ABCC8: variants seen among roughly 807,000 people sequenced by gnomAD.
The protein encoded by ABCC8 is ATP-binding cassette sub-family C member 8.
ABCC8 carries 137 observed loss-of-function variants against 188.0 expected under a neutral mutation model. The ratio of observed to expected loss-of-function variants is 0.73; its 90% CI spans 0.63 to 0.84. The LOEUF is 0.84. ABCC8 is among the 40% of genes least tolerant of loss of function. The pLI is 0.00. For synonymous variants in ABCC8, 797 were observed against 846.5 expected, an observed-to-expected ratio of 0.94 and a Z score of 1.01; for missense variants, 1,750 against 2,072.7, an observed-to-expected ratio of 0.84 and a Z score of 3.02.
At chr11:17,428,510 G>A (rs1404743658) in intron 13 of ABCC8, 55 bp downstream of exon 13, 2 of 1,609,502 alleles carry the variant, frequency 1.2e-6, no homozygotes, top group Non-Finnish European at 1.7e-6. Context: ...GCAGGCCCAA[G>A]TTTTGGGCCT....
At chr11:17,441,147 T>C (rs1186906795) in intron 10 of ABCC8, among the ~76,000 whole-genome samples, 1 of 151,966 alleles carries the variant, frequency 6.6e-6, no homozygotes, top group Non-Finnish European at 1.5e-5. Context: ...CTAATTCTAC[T>C]CCTTTCAGAG....
At chr11:17,397,364 C>T in intron 31 of ABCC8, 51 bp from the exon 32 acceptor site, 1 of 1,602,464 alleles carries the variant, frequency 6.2e-7, no homozygotes, top group Non-Finnish European at 8.5e-7. Flanking sequence ...TAGTTCTGTC[C>T]TCAGCCACCA....
At chr11:17,462,664 T>C (rs962167643) in intron 4 of ABCC8, among the ~76,000 whole-genome samples, 2 of 152,174 alleles carry the variant, frequency 1.3e-5, no homozygotes, top group Non-Finnish European at 2.9e-5. Context: ...CATAGAGAAA[T>C]AGCTGAACAC....
Position 17,434,984 on chromosome 11 carries a change from C to CGTGTGTGTGTGT in ABCC8, c.1631-2752_1631-2741dup, listed in dbSNP as rs57580521. ...TAGAATCATCAGCTGCGTGTGTTCG[C>CGTGTGTGTGTGT]GTGTGTGTGTGTGTGTGTGTGTGTG... is the stretch of plus-strand genomic sequence containing the variant. On this transcript the variant is annotated intron_variant, in intron 10 of 38. Transcript: ENST00000389817. Among the ~76,000 whole-genome samples, 248 of 144,752 alleles carry CGTGTGTGTGTGT rather than the reference C, an allele frequency of 1.7e-3. 2 individuals carry two copies. The highest frequency in any genetic ancestry group is 4.1e-3 in the African/African-American group (154 of 37,976). 95.0% of individuals were successfully genotyped at this position (144,752 alleles called of 152,430 possible).
At position 17,472,510 on chromosome 11, in the gene ABCC8, C is replaced by G. The variant is rs537126816; in HGVS notation, c.291-2288G>C. On this transcript the variant is annotated intron_variant, in intron 2 of 38. Coordinates refer to ENST00000389817, the MANE Select transcript of ABCC8 (RefSeq NM_000352.6). ...CTTAATCAGCCCCCTCCCACCTGCC[C>G]CCTAAATTTCCAGACAGCTCTGAAA... is the stretch of plus-strand genomic sequence containing the variant. Among the ~76,000 whole-genome samples, 7 of 152,296 alleles carry G rather than the reference C, an allele frequency of 4.6e-5. No homozygotes were observed. In the South Asian group the frequency reaches 1.2e-3, roughly 27 times the overall value.
In ABCC8 at chr11:17,404,841, A is replaced by T; in HGVS notation, c.3400-172T>A. The T allele has an allele frequency of 1.7e-6, 1 of 598,712 alleles. No individual in the cohort carries two copies. Among genetic ancestry groups the T allele is most frequent in the Middle Eastern group, 8.5e-4 (1 of 1,180 alleles). 37.1% of individuals were successfully genotyped at this position (598,712 alleles called of 1,614,324 possible). A position where few individuals can be genotyped will look rare whatever the true frequency, so the allele number is the denominator to read the frequency against. ...CAGCAGCGTAATCTCGGTTCACGGC[A>T]GCCTCTGCCCCTTGGGTTCAAATGA... On this transcript the variant is annotated intron_variant, in intron 27 of 38. Coordinates refer to ENST00000389817, the MANE Select transcript of ABCC8 (RefSeq NM_000352.6). The surrounding 1 kb of genome is among the most constrained non-coding windows in gnomAD (Gnocchi z 4.7).
chr11:17,408,048 A>G (rs1954625556), intron 23 of ABCC8, among the ~76,000 whole-genome samples: 1 of 152,192 alleles, frequency 6.6e-6, no homozygotes, highest in Non-Finnish European at 1.5e-5. Flanking sequence ...TAAAGCTATG[A>G]CACACCTGGA....
chr11:17,450,273 T>C (rs566484225), intron 7 of ABCC8, among the ~76,000 whole-genome samples: 50 of 121,736 alleles, frequency 4.1e-4, no homozygotes, highest in Admixed American at 3.7e-3. Context: ...TTTCTTTCTT[T>C]CTTTCTTTCT....
chr11:17,393,750 G>T lies in ABCC8; in HGVS notation c.4555C>A (p.Leu1519Ile). The change falls in exon 38 of 39, where the codon CTC becomes ATC. Residue 1519 changes from leucine to isoleucine, a missense_variant. Physicochemically the swap from Leu to Ile is conservative, Grantham distance 5. Transcript: ENST00000389817. ...AAGGCTGTCATCACCACCTTTTGGA[G>T]GATGTTTTCCTGCCAAGTGGGGGCA... ...ASIDMATENI[L>I]QKVVMTAFAD... The T allele has an allele frequency of 6.2e-7, 1 of 1,614,154 alleles. No individual in the cohort carries two copies. The highest frequency in any genetic ancestry group is 1.3e-5 in the African/African-American group (1 of 75,062).
At chr11:17,463,840 G>A (rs1361581172) in intron 3 of ABCC8, among the ~76,000 whole-genome samples, 1 of 152,168 alleles carries the variant, frequency 6.6e-6, no homozygotes, top group African/African-American at 2.4e-5. Flanking sequence ...AAACTGGTCA[G>A]ACAAATGTCC....
rs139390515 is a variant in ABCC8 at position 17,473,503 on chromosome 11, C to T, written c.290+1383G>A. ...CCATCCAACTACAGGAGCCAGGCAGCACTGCAGGAGTGCAGTCTGGGTATA... is the reference window on the plus strand; with the variant it reads ...CCATCCAACTACAGGAGCCAGGCAGTACTGCAGGAGTGCAGTCTGGGTATA... On this transcript the variant is annotated intron_variant, in intron 2 of 38. Coordinates refer to ENST00000389817, the MANE Select transcript of ABCC8 (RefSeq NM_000352.6). Among the ~76,000 whole-genome samples, 19 of 152,204 alleles carry T rather than the reference C, an allele frequency of 1.2e-4. No individual in the cohort carries two copies. The East Asian group carries it at 3.5e-3, about 28-fold the overall frequency.
chr11:17,426,315 G>A (rs185068354), intron 16 of ABCC8, among the ~76,000 whole-genome samples: 212 of 152,306 alleles, frequency 1.4e-3, no homozygotes, highest in African/African-American at 4.8e-3. Context: ...GTGTAAAAGC[G>A]TTCCTATTTC....
chr11:17,406,412 C>T, intron 26 of ABCC8: 2 of 604,048 alleles, frequency 3.3e-6, no homozygotes, highest in Non-Finnish European at 5.9e-6. Context: ...GAGCTAACCA[C>T]ACACAATGCC....
At chr11:17,476,480 G>A in intron 1 of ABCC8, 149 bp downstream of exon 1, 6 of 885,080 alleles carry the variant, frequency 6.8e-6, no homozygotes, top group Non-Finnish European at 1.0e-5. Context: ...GCGGGGACCG[G>A]CGGGCAGGAC....
At chr11:17,453,639 TACA>T (rs1478566720) in intron 6 of ABCC8, among the ~76,000 whole-genome samples, 3 of 152,154 alleles carry the variant, frequency 2.0e-5, no homozygotes, top group East Asian at 3.8e-4. Context: ...CCTGAACTGG[TACA>T]ACAAGTCTCA....
At chr11:17,397,115 C>T in intron 32 of ABCC8, 69 bp from the exon 33 acceptor site, 1 of 1,613,746 alleles carries the variant, frequency 6.2e-7, no homozygotes, top group East Asian at 2.2e-5. Flanking sequence ...CCACCCCATC[C>T]CCAGGCTCCC....
rs763302648 is a variant in ABCC8 at position 17,476,703 on chromosome 11, C to A, written c.74G>T (p.Gly25Val). Residue 25 changes from glycine to valine, a missense_variant, in exon 1 of 39, where the codon GGC becomes GTC. Transcript: ENST00000389817. ...CACGTTGAGCGCGTCCACAAAGCAGCCGTTGTTGAGGACCCCCTGGTCCAC... is the reference window on the plus strand; with the variant it reads ...CACGTTGAGCGCGTCCACAAAGCAGACGTTGTTGAGGACCCCCTGGTCCAC... The part of the protein sequence containing the change: ...YRVDQGVLNN[G>V]CFVDALNVVP... The A allele has an allele frequency of 1.4e-5, 23 of 1,611,652 alleles. No homozygotes were observed. The highest frequency in any genetic ancestry group is 2.0e-5 in the Non-Finnish European group (23 of 1,179,042).
At chr11:17,393,554 C>A in intron 38 of ABCC8, 143 bp downstream of exon 38, 1 of 1,344,464 alleles carries the variant, frequency 7.4e-7, no homozygotes, top group Non-Finnish European at 1.1e-6. Flanking sequence ...GCCCTCCAGG[C>A]CCCTTGCCCT....
intron 30 of ABCC8, among the ~76,000 whole-genome samples, chr11:17,398,052 C>T (rs934015988): frequency 6.6e-6 from 1 of 152,172 alleles, no homozygotes; most frequent in African/African-American, 2.4e-5. Context: ...AGCTGGCCCA[C>T]AAACACACAC....
Sources: allele counts gnomAD v4.1 joint callset (sites outside exome capture counted in the v4.1 genomes callset), GRCh38; gene constraint gnomAD v4.1.1; non-coding constraint Gnocchi (gnomAD v3.1); transcripts MANE v1.5; gene names NCBI Gene and HGNC (gene_info 2026-07-23, HGNC 2026-07-21).